NTS: variants seen among roughly 807,000 people sequenced by gnomAD.
The protein encoded by NTS is neurotensin/neuromedin N.
In NTS, 20 loss-of-function variants were observed where a neutral mutation model predicts 19.5. That is an observed-to-expected ratio of 1.02 (90% CI 0.72 to 1.49). The LOEUF (loss-of-function observed/expected upper bound fraction) is 1.49, where lower values mean the gene tolerates loss of function less well. Ranked by LOEUF, NTS falls within the 40% of genes most tolerant of loss-of-function variation. NTS has a pLI of 0.00. For missense variants in NTS, 215 were observed against 193.1 expected, an observed-to-expected ratio of 1.11 and a Z score of -0.67; for synonymous variants, 71 against 63.3, an observed-to-expected ratio of 1.12 and a Z score of -0.58.
At chr12:85,881,325 G>A (rs1408950041) in intron 3 of NTS, among the ~76,000 whole-genome samples, 1 of 152,054 alleles carries the variant, frequency 6.6e-6, no homozygotes, top group Non-Finnish European at 1.5e-5. Context: ...TCCCCTATCA[G>A]TATTTGTTAT....
chr12:85,878,530 C>T lies in NTS; in HGVS notation c.321C>T (p.Leu107=). The T allele has an allele frequency of 1.2e-6, 2 of 1,612,866 alleles. No homozygotes were observed. The highest frequency in any genetic ancestry group is 2.2e-5 in the South Asian group (2 of 90,850). ...AAGCAATGTTGACAATATACCAGCT[C>T]CACAAAATCTGTCACAGCAGGGCTT... is the stretch of plus-strand genomic sequence containing the variant. The part of the protein sequence containing the change: ...SLEAMLTIYQ[L]HKICHSRAFQ... Residue 107 remains leucine (L), a synonymous_variant, in exon 3 of 4, where the codon CTC becomes CTT. Transcript: ENST00000256010.
chr12:85,874,931 T>G (rs1881305709), intron 1 of NTS, among the ~76,000 whole-genome samples: 1 of 152,240 alleles, frequency 6.6e-6, no homozygotes, highest in Non-Finnish European at 1.5e-5. Flanking sequence ...TATTTTCTTG[T>G]TTGTGTTAAG....
At chr12:85,880,674 C>T (rs1371232097) in intron 3 of NTS, among the ~76,000 whole-genome samples, 5 of 152,078 alleles carry the variant, frequency 3.3e-5, no homozygotes, top group Non-Finnish European at 7.4e-5. Flanking sequence ...ATGTTTTGGC[C>T]AGGCACGGTG....
intron 3 of NTS, among the ~76,000 whole-genome samples, chr12:85,881,755 A>G (rs1443372682): frequency 1.3e-5 from 2 of 152,182 alleles, no homozygotes; most frequent in East Asian, 3.8e-4. Context: ...TAACTGACTT[A>G]ATTGAATATA....
At chr12:85,882,168 T>C (rs1309063188) in intron 3 of NTS, 55 bp from the exon 4 acceptor site, 51 of 1,390,248 alleles carry the variant, frequency 3.7e-5, no homozygotes, top group Non-Finnish European at 4.8e-5. Context: ...AAAAATGCTC[T>C]GAAACAAAAG....
rs1238763222 is a variant in NTS, at chr12:85,878,460, T to G, written c.251T>G (p.Val84Gly). 1.2e-6 allele frequency: 2 copies of G among 1,613,908 alleles called. No homozygotes were observed. The highest frequency in any genetic ancestry group is 1.7e-6 in the Non-Finnish European group (2 of 1,179,896). Residue 84 changes from valine (V) to glycine (G), a missense_variant, in exon 3 of 4, where the codon GTT becomes GGT. Val to Gly is a moderately radical substitution (Grantham distance 109). Coordinates refer to ENST00000256010, the MANE Select transcript of NTS (RefSeq NM_006183.5). ...GGAGAAGTTCATGAAGAGGAGCTTG[T>G]TGCAAGAAGGAAACTTCCTACTGCT... ...ETGEVHEEELVARRKLPTALD... is the reference protein window; with the variant it reads ...ETGEVHEEELGARRKLPTALD...
chr12:85,878,360 G>A lies in NTS; in HGVS notation c.151G>A (p.Val51Ile). Reference sequence around the variant, plus strand: ...TATATTTCAGATTAGTAAAGCACATGTTCCCTCTTGGAAGATGACTCTGCT... The same window carrying A: ...TATATTTCAGATTAGTAAAGCACATATTCCCTCTTGGAAGATGACTCTGCT... ...MHTSKISKAH[V>I]PSWKMTLLNV... Residue 51 changes from valine (V) to isoleucine (I), a missense_variant, in exon 3 of 4, where the codon GTT (valine) becomes ATT (isoleucine). Coordinates refer to ENST00000256010, the MANE Select transcript of NTS (RefSeq NM_006183.5). 1.2e-6 allele frequency: 2 copies of A among 1,603,198 alleles called. No homozygotes were observed. The highest frequency in any genetic ancestry group is 1.7e-6 in the Non-Finnish European group (2 of 1,174,000).
chr12:85,874,518 T>C (rs1881287516), intron 1 of NTS, 42 bp downstream of exon 1: 1 of 1,396,966 alleles, frequency 7.2e-7, no homozygotes, highest in South Asian at 1.2e-5. Context: ...AGTGATTTCT[T>C]TTTTCTCTTT....
At chr12:85,877,850 G>C (rs768056708) in intron 2 of NTS, among the ~76,000 whole-genome samples, 1 of 152,138 alleles carries the variant, frequency 6.6e-6, no homozygotes, top group East Asian at 1.9e-4. Context: ...CCAGATGCAA[G>C]TTAATACATG....
chr12:85,879,916 TA>T (rs1357816702), intron 3 of NTS, among the ~76,000 whole-genome samples: 1 of 147,604 alleles, frequency 6.8e-6, no homozygotes, highest in Non-Finnish European at 1.5e-5. Context: ...TATATAAAAA[TA>T]TAGAATAAGG....
intron 1 of NTS, 45 bp from the exon 2 acceptor site, chr12:85,876,595 T>A (rs1881350235): frequency 8.8e-7 from 1 of 1,140,126 alleles, no homozygotes; most frequent in Admixed American, 2.1e-5. Flanking sequence ...ATGATATAAT[T>A]ATATGATATG....
chr12:85,877,226 G>A (rs1406976428), intron 2 of NTS, among the ~76,000 whole-genome samples: 1 of 151,994 alleles, frequency 6.6e-6, no homozygotes, highest in African/African-American at 2.4e-5. Context: ...TTTAGCAAGT[G>A]GATTAGTTCA....
intron 3 of NTS, among the ~76,000 whole-genome samples, chr12:85,879,175 G>A (rs866328912): frequency 5.3e-5 from 6 of 112,966 alleles, no homozygotes; most frequent in East Asian, 2.3e-4. Flanking sequence ...TTTTATGTAC[G>A]TAAAATATAT....
Position 85,882,549 on chromosome 12 carries a change from A to C in NTS, c.*174A>C. On this transcript the variant is annotated 3_prime_UTR_variant, in exon 4 of 4. Transcript: ENST00000256010. ...AATTAGACTAAGTGTTTTCAAATAA[A>C]TCTAAATCTTCAGCATGATGTGTTG... 1 of 524,192 alleles carries C rather than the reference A, an allele frequency of 1.9e-6. No individual in the cohort carries two copies. Among genetic ancestry groups the C allele is most frequent in the Non-Finnish European group, 3.3e-6 (1 of 300,616 alleles). The allele number at this position is 524,192 out of a possible 1,614,324, so 32.5% of individuals were successfully genotyped here. A position where few individuals can be genotyped will look rare whatever the true frequency, so the allele number is the denominator to read the frequency against.
In NTS at chr12:85,882,677, A is replaced by T. The variant is rs536858011; in HGVS notation, c.*302A>T. 1 of 198,274 alleles carries T rather than the reference A, an allele frequency of 5.0e-6. No homozygotes were observed. The highest frequency in any genetic ancestry group is 1.3e-4 in the East Asian group (1 of 7,886). 12.3% of individuals were successfully genotyped at this position (198,274 alleles called of 1,614,324 possible). On this transcript the variant is annotated 3_prime_UTR_variant, in exon 4 of 4. Transcript: ENST00000256010. Reference sequence around the variant, plus strand: ...AAACAGTCAAAATGTTTGATATTTTATACCAGCTTATGAGCTCAAAGTACT... The same window carrying T: ...AAACAGTCAAAATGTTTGATATTTTTTACCAGCTTATGAGCTCAAAGTACT...
At chr12:85,880,437 AC>A (rs993599433) in intron 3 of NTS, among the ~76,000 whole-genome samples, 1 of 152,170 alleles carries the variant, frequency 6.6e-6, no homozygotes, top group African/African-American at 2.4e-5. Context: ...CTGGATTTAC[AC>A]TAACATTGGG....
intron 1 of NTS, among the ~76,000 whole-genome samples, chr12:85,874,913 C>A (rs1264840101): frequency 6.6e-6 from 1 of 152,074 alleles, no homozygotes; most frequent in Non-Finnish European, 1.5e-5. Flanking sequence ...TTGTAATAGT[C>A]CCCGTATTAT....
At position 85,882,565 on chromosome 12, in the gene NTS, T is replaced by C; in HGVS notation, c.*190T>C. 2 of 498,948 alleles carry C rather than the reference T, an allele frequency of 4.0e-6. No individual in the cohort carries two copies. The highest frequency in any genetic ancestry group is 7.0e-6 in the Non-Finnish European group (2 of 285,454). 30.9% of individuals were successfully genotyped at this position (498,948 alleles called of 1,614,324 possible). ...TTCAAATAAATCTAAATCTTCAGCA[T>C]GATGTGTTGTGTATAATTGGAGTAG... On this transcript the variant is annotated 3_prime_UTR_variant, in exon 4 of 4. Coordinates refer to ENST00000256010, the MANE Select transcript of NTS (RefSeq NM_006183.5).
intron 3 of NTS, among the ~76,000 whole-genome samples, chr12:85,880,843 T>C (rs1419748078): frequency 6.6e-6 from 1 of 152,032 alleles, no homozygotes; most frequent in Admixed American, 6.6e-5. Context: ...TCCCAGCTAC[T>C]GGGGAGGCTG....
Sources: allele counts gnomAD v4.1 joint callset (sites outside exome capture counted in the v4.1 genomes callset), GRCh38; gene constraint gnomAD v4.1.1; transcripts MANE v1.5; gene names NCBI Gene and HGNC (gene_info 2026-07-23, HGNC 2026-07-21).